The following GPC5 variants were observed in gnomAD, a reference collection of about 807,000 sequenced individuals.
GPC5 encodes glypican-5.
A neutral mutation model predicts 53.9 loss-of-function variants in GPC5; 47 were observed. That is an observed-to-expected ratio of 0.87 (90% CI 0.69 to 1.11). GPC5 has a LOEUF of 1.11. Ranked by LOEUF, GPC5 falls within the 50% of genes most tolerant of loss-of-function variation. The probability of loss-of-function intolerance (pLI) is 0.00; values close to 1 mark genes in which losing one functional copy is unlikely to be tolerated. For synonymous variants in GPC5, 286 were observed against 263.3 expected (o/e 1.09, Z -0.84); for missense variants, 748 against 713.1 (o/e 1.05, Z -0.56).
intron 7 of GPC5, among the ~76,000 whole-genome samples, chr13:92,718,937 ATGTT>A (rs1469413935): frequency 1.3e-5 from 2 of 151,922 alleles, no homozygotes; most frequent in Non-Finnish European, 2.9e-5. Flanking sequence ...AAGAATAAGA[ATGTT>A]TGTAACACAA....
intron 7 of GPC5, among the ~76,000 whole-genome samples, chr13:92,514,116 T>C (rs1332489733): frequency 6.7e-6 from 1 of 149,486 alleles, no homozygotes; most frequent in East Asian, 2.1e-4. Context: ...TGATTTTTAC[T>C]GAAGGTTTTG....
intron 2 of GPC5, among the ~76,000 whole-genome samples, chr13:91,461,904 T>C (rs1048083636): frequency 3.9e-5 from 6 of 152,128 alleles, no homozygotes; most frequent in Non-Finnish European, 7.4e-5. Context: ...CTTAGGATTA[T>C]GGGCAAAAAT....
At chr13:91,457,096 C>A (rs951434304) in intron 2 of GPC5, among the ~76,000 whole-genome samples, 3 of 152,108 alleles carry the variant, frequency 2.0e-5, no homozygotes, top group South Asian at 4.1e-4. Context: ...ATTCTATTAA[C>A]AAATTTTGTT....
intron 7 of GPC5, among the ~76,000 whole-genome samples, chr13:92,580,094 C>T (rs570676861): frequency 2.8e-4 from 42 of 152,302 alleles, no homozygotes; most frequent in African/African-American, 1.0e-3. Context: ...AATGTAACTG[C>T]TGTGTGCAAC....
chr13:92,463,727 A>G (rs898554632), intron 7 of GPC5, among the ~76,000 whole-genome samples: 2 of 152,166 alleles, frequency 1.3e-5, no homozygotes, highest in Non-Finnish European at 1.5e-5. Context: ...ACTTATATTT[A>G]ATATCTTTCC....
intron 6 of GPC5, among the ~76,000 whole-genome samples, chr13:92,045,243 C>A (rs1382951746): frequency 3.9e-5 from 6 of 152,084 alleles, no homozygotes. Flanking sequence ...TAAAATGTGT[C>A]GTGCTTACAG....
At chr13:92,018,011 C>A (rs2138786263) in intron 6 of GPC5, among the ~76,000 whole-genome samples, 1 of 152,034 alleles carries the variant, frequency 6.6e-6, no homozygotes, top group East Asian at 1.9e-4. Context: ...TACACACATA[C>A]ACATGCACGA....
At chr13:91,872,300 G>T (rs1236928328) in intron 5 of GPC5, among the ~76,000 whole-genome samples, 3 of 152,026 alleles carry the variant, frequency 2.0e-5, no homozygotes, top group African/African-American at 7.2e-5. Flanking sequence ...TAAAGTAAGA[G>T]TACTAAGAAT....
chr13:91,488,811 A>G (rs925413206), intron 2 of GPC5, among the ~76,000 whole-genome samples: 4 of 152,246 alleles, frequency 2.6e-5, no homozygotes, highest in Admixed American at 6.5e-5. Flanking sequence ...AGCCAGGCCA[A>G]CAGAGCTGTA....
At chr13:92,839,446 C>T (rs987536100) in intron 7 of GPC5, among the ~76,000 whole-genome samples, 1 of 152,146 alleles carries the variant, frequency 6.6e-6, no homozygotes, top group Non-Finnish European at 1.5e-5. Flanking sequence ...GATCTTCTCA[C>T]TCCTTCCACC....
chr13:92,246,076 A>G (rs2042648609), intron 7 of GPC5, among the ~76,000 whole-genome samples: 2 of 152,114 alleles, frequency 1.3e-5, no homozygotes, highest in African/African-American at 4.8e-5. Flanking sequence ...TGATTCTGAG[A>G]TCTTAAGATG....
chr13:92,351,844 A>C (rs2043480685), intron 7 of GPC5, among the ~76,000 whole-genome samples: 1 of 152,234 alleles, frequency 6.6e-6, no homozygotes, highest in Non-Finnish European at 1.5e-5. Flanking sequence ...GGAACCAATT[A>C]AGACGTATCA....
intron 6 of GPC5, among the ~76,000 whole-genome samples, chr13:92,108,339 A>G (rs2041526418): frequency 6.6e-6 from 1 of 152,208 alleles, no homozygotes; most frequent in Admixed American, 6.6e-5. Flanking sequence ...TATCGACAGT[A>G]ATTTAATTCT....
At chr13:91,977,716 C>G (rs745365932) in intron 6 of GPC5, among the ~76,000 whole-genome samples, 1 of 152,166 alleles carries the variant, frequency 6.6e-6, no homozygotes, top group African/African-American at 2.4e-5. Context: ...CAAGAGAATT[C>G]TATGCAAACA....
chr13:91,579,126 AATT>A (rs1304409765), intron 2 of GPC5, among the ~76,000 whole-genome samples: 1 of 152,160 alleles, frequency 6.6e-6, no homozygotes, highest in Non-Finnish European at 1.5e-5. Flanking sequence ...TTCCCTTTGT[AATT>A]ATTTTAATTT....
intron 7 of GPC5, among the ~76,000 whole-genome samples, chr13:92,347,891 T>TAA (rs1491275327): frequency 1.8e-4 from 3 of 16,360 alleles, no homozygotes; most frequent in African/African-American, 1.4e-3. Flanking sequence ...ATTATATATA[T>TAA]TATATATATA....
chr13:91,968,034 TG>T lies in GPC5; in HGVS notation c.1401+59978del, dbSNP rs541956398. Among the ~76,000 whole-genome samples, 5 of 152,252 alleles carry T rather than the reference TG, an allele frequency of 3.3e-5. No homozygotes were observed. In the East Asian group the frequency reaches 9.6e-4, roughly 29 times the overall value. Reference sequence around the variant, plus strand: ...TTATACTTTTTATAATTCATTTGAATGAATTATCCCTAGTAATGATATTAAC... The same window carrying T: ...TTATACTTTTTATAATTCATTTGAATAATTATCCCTAGTAATGATATTAAC... On this transcript the variant is annotated intron_variant, in intron 6 of 7. Coordinates refer to ENST00000377067, the MANE Select transcript of GPC5 (RefSeq NM_004466.6).
At chr13:92,130,516 T>C (rs2041735186) in intron 6 of GPC5, among the ~76,000 whole-genome samples, 1 of 152,098 alleles carries the variant, frequency 6.6e-6, no homozygotes, top group African/African-American at 2.4e-5. Context: ...CTAATTGGAC[T>C]AGGCTTACAC....
intron 7 of GPC5, among the ~76,000 whole-genome samples, chr13:92,818,133 C>T (rs1233158200): frequency 6.6e-6 from 1 of 151,536 alleles, no homozygotes; most frequent in Non-Finnish European, 1.5e-5. Context: ...CTGCCTCAGC[C>T]TCCTGAGTAG....
Sources: gnomAD v4.1 joint callset for allele counts (sites outside exome capture counted in the v4.1 genomes callset) on GRCh38, gnomAD v4.1.1 for gene constraint, MANE v1.5 for transcripts, NCBI Gene and HGNC (gene_info 2026-07-23, HGNC 2026-07-21) for gene names.